POLN: variants seen among roughly 807,000 people sequenced by gnomAD.
POLN encodes DNA polymerase nu, also known as DNA polymerase N.
A neutral mutation model predicts 113.5 loss-of-function variants in POLN; 108 were observed. The observed-to-expected ratio is 0.95, with a 90% CI of 0.81 to 1.12. The LOEUF (loss-of-function observed/expected upper bound fraction) is 1.12. Ranked by LOEUF, POLN falls within the 50% of genes most tolerant of loss-of-function variation. The pLI, the probability that POLN is intolerant of heterozygous loss-of-function variation, is 0.00. For missense variants in POLN, 1,097 were observed against 1,077.1 expected, an observed-to-expected ratio of 1.02 and a Z score of -0.26; for synonymous variants, 386 against 391.5, an observed-to-expected ratio of 0.99 and a Z score of 0.17.
chr4:2,127,285 C>A lies in POLN; in HGVS notation c.1982+828G>T, dbSNP rs898545450. On this transcript the variant is annotated intron_variant, in intron 19 of 25. Transcript: ENST00000511885. The surrounding 1 kb of genome is among the most constrained non-coding windows in gnomAD (Gnocchi z 4.7). ...TCCAACAGCCAGCACACACTTCCCC[C>A]TCCCCTTCCTCAAAGGGGCACTGAT... Among the ~76,000 whole-genome samples, 1 of 152,096 alleles carries A rather than the reference C, an allele frequency of 6.6e-6. No individual in the cohort carries two copies. Among genetic ancestry groups the A allele is most frequent in the South Asian group, 2.1e-4 (1 of 4,824 alleles).
intron 7 of POLN, among the ~76,000 whole-genome samples, chr4:2,182,652 T>C (rs572776197): frequency 6.6e-6 from 1 of 152,088 alleles, no homozygotes; most frequent in Non-Finnish European, 1.5e-5. Context: ...CCTCACACCA[T>C]ATGCAAAAAT....
chr4:2,153,924 G>A (rs1349955518), intron 16 of POLN, among the ~76,000 whole-genome samples: 6 of 151,656 alleles, frequency 4.0e-5, no homozygotes, highest in Admixed American at 2.0e-4. Context: ...AAGGCCAGGC[G>A]CGGTGGCTCA....
intron 19 of POLN, among the ~76,000 whole-genome samples, chr4:2,108,025 C>T (rs767046936): frequency 6.6e-6 from 1 of 152,196 alleles, no homozygotes; most frequent in Non-Finnish European, 1.5e-5. Context: ...GCCTGGTGAG[C>T]ACCCCTTCCC....
intron 23 of POLN, 86 bp downstream of exon 23, chr4:2,080,872 A>G (rs1730395433): frequency 3.1e-6 from 5 of 1,606,030 alleles, no homozygotes; most frequent in Non-Finnish European, 4.2e-6. Flanking sequence ...AGAGATGGTG[A>G]TCATCAGAAT....
intron 20 of POLN, among the ~76,000 whole-genome samples, chr4:2,086,943 G>A (rs1730564696): frequency 6.6e-6 from 1 of 152,336 alleles, no homozygotes; most frequent in Non-Finnish European, 1.5e-5. Context: ...GAATGGGACC[G>A]ACCAGTCTCT....
intron 16 of POLN, among the ~76,000 whole-genome samples, chr4:2,148,917 T>C (rs1331966596): frequency 6.6e-6 from 1 of 152,048 alleles, no homozygotes; most frequent in Admixed American, 6.6e-5. Flanking sequence ...CTTCAAAGTA[T>C]TGAGAAAAAA....
intron 7 of POLN, among the ~76,000 whole-genome samples, chr4:2,187,297 G>A (rs1006549768): frequency 2.0e-5 from 3 of 152,180 alleles, no homozygotes; most frequent in Admixed American, 1.3e-4. Flanking sequence ...AGGCGGAAGT[G>A]CAATGGTTTG....
chr4:2,189,693 T>C (rs1183519828), intron 7 of POLN, among the ~76,000 whole-genome samples: 3 of 147,554 alleles, frequency 2.0e-5, no homozygotes, highest in African/African-American at 7.5e-5. Context: ...AAAGAGTCAA[T>C]GCAATCTCTA....
At chr4:2,077,419 G>C (rs1730302179) in intron 23 of POLN, among the ~76,000 whole-genome samples, 1 of 152,190 alleles carries the variant, frequency 6.6e-6, no homozygotes, top group Admixed American at 6.5e-5. Context: ...CGGTACACTG[G>C]TGCTCACACC....
chr4:2,111,089 T>C (rs142020213), intron 19 of POLN, among the ~76,000 whole-genome samples: 127,819 of 152,178 alleles, frequency 0.84, 54,282 homozygotes, highest in Non-Finnish European at 0.9. Flanking sequence ...GTTCAACATA[T>C]GAAAATCAAT....
At chr4:2,162,452 C>A (rs553453695) in intron 13 of POLN, among the ~76,000 whole-genome samples, 2 of 152,282 alleles carry the variant, frequency 1.3e-5, no homozygotes, top group Middle Eastern at 3.4e-3. Context: ...TAACACTCAC[C>A]GCGAGGGTCT....
At chr4:2,136,987 G>A (rs998744817) in intron 16 of POLN, among the ~76,000 whole-genome samples, 1 of 152,126 alleles carries the variant, frequency 6.6e-6, no homozygotes, top group African/African-American at 2.4e-5. Context: ...GCTGTGTGAG[G>A]CACCTGAGAG....
At chr4:2,172,825 A>G (rs1732897221) in intron 11 of POLN, among the ~76,000 whole-genome samples, 2 of 152,128 alleles carry the variant, frequency 1.3e-5, no homozygotes, top group South Asian at 4.2e-4. Flanking sequence ...GCCCACAGAA[A>G]CCTGTGCCCA....
chr4:2,179,541 G>T, intron 7 of POLN, 76 bp from the exon 8 acceptor site: 1 of 1,414,174 alleles, frequency 7.1e-7, no homozygotes, highest in South Asian at 1.2e-5. Flanking sequence ...AAGTTCTTAA[G>T]TTCAAACGAA....
chr4:2,229,261 A>G lies in POLN; in HGVS notation c.-12-18T>C. 2 of 1,558,138 alleles carry G rather than the reference A, an allele frequency of 1.3e-6. No individual in the cohort carries two copies. Among genetic ancestry groups the G allele is most frequent in the Non-Finnish European group, 1.7e-6 (2 of 1,145,522 alleles). Reference sequence around the variant, plus strand: ...ACAAAATCCTAAATGTAAGATTAACATAAGATAAATCCCATATATTAATCC... The same window carrying G: ...ACAAAATCCTAAATGTAAGATTAACGTAAGATAAATCCCATATATTAATCC... On this transcript the variant is annotated intron_variant, in intron 2 of 25. Transcript: ENST00000511885.
chr4:2,196,718 C>T (rs1272130080), intron 6 of POLN, among the ~76,000 whole-genome samples: 1 of 151,762 alleles, frequency 6.6e-6, no homozygotes, highest in Non-Finnish European at 1.5e-5. Flanking sequence ...AATCCCAGTC[C>T]TCTCCCCCTT....
Position 2,170,839 on chromosome 4 carries a change from T to C in POLN, c.1459-65A>G, listed in dbSNP as rs1299046858. On this transcript the variant is annotated intron_variant, in intron 12 of 25. Coordinates refer to ENST00000511885, the MANE Select transcript of POLN (RefSeq NM_181808.4). The stretch of plus-strand genomic sequence containing the variant: ...ATTTGAGAGAAACAGAACATTACTA[T>C]AGCAGAGCCCATGCCAACAGCCAGA... 4.2e-6 allele frequency: 6 copies of C among 1,415,892 alleles called. No individual in the cohort carries two copies. The African/African-American group carries it at 4.2e-5, about 10-fold the overall frequency. 87.7% of individuals were successfully genotyped at this position (1,415,892 alleles called of 1,614,324 possible). A position where few individuals can be genotyped will look rare whatever the true frequency, so the allele number is the denominator to read the frequency against.
intron 19 of POLN, among the ~76,000 whole-genome samples, chr4:2,103,390 G>T (rs1730974206): frequency 6.6e-6 from 1 of 151,910 alleles, no homozygotes; most frequent in South Asian, 2.1e-4. Flanking sequence ...CAGGTCTTTT[G>T]GAATCCACTA....
At chr4:2,180,317 G>A (rs746026131) in intron 7 of POLN, among the ~76,000 whole-genome samples, 35 of 152,098 alleles carry the variant, frequency 2.3e-4, no homozygotes, top group Non-Finnish European at 3.8e-4. Context: ...GAGGTGGGGC[G>A]GGCTAGAAAT....
Sources: gnomAD v4.1 joint callset for allele counts (sites outside exome capture counted in the v4.1 genomes callset) on GRCh38, gnomAD v4.1.1 for gene constraint, Gnocchi (gnomAD v3.1) non-coding constraint, MANE v1.5 for transcripts, NCBI Gene and HGNC (gene_info 2026-07-23, HGNC 2026-07-21) for gene names.